The following BMP5 variants were observed in gnomAD, a reference collection of about 807,000 sequenced individuals.
The protein encoded by BMP5 is bone morphogenetic protein 5.
A neutral mutation model predicts 46.6 loss-of-function variants in BMP5; 23 were observed. The ratio of observed to expected loss-of-function variants is 0.49; its 90% CI spans 0.35 to 0.70. The LOEUF is 0.70. BMP5 is among the 30% of genes least tolerant of loss of function. The probability of loss-of-function intolerance (pLI) is 0.00; values close to 1 mark genes in which losing one functional copy is unlikely to be tolerated. For missense variants in BMP5, 545 were observed against 565.6 expected, an observed-to-expected ratio of 0.96 and a Z score of 0.37; for synonymous variants, 204 against 191.9, an observed-to-expected ratio of 1.06 and a Z score of -0.52.
At chr6:55,871,372 G>A (rs551735865) in intron 1 of BMP5, among the ~76,000 whole-genome samples, 12 of 151,848 alleles carry the variant, frequency 7.9e-5, no homozygotes, top group African/African-American at 2.6e-4. Context: ...GATAAAAGTG[G>A]CCTAAGAATA....
intron 2 of BMP5, among the ~76,000 whole-genome samples, chr6:55,805,623 A>G (rs910059810): frequency 7.2e-5 from 11 of 152,136 alleles, no homozygotes; most frequent in African/African-American, 2.7e-4. Context: ...CTGGTTCTAG[A>G]TCCTTGAGGA....
intron 2 of BMP5, among the ~76,000 whole-genome samples, chr6:55,815,133 C>CAAAAAAAAA (rs35015007): frequency 1.3e-5 from 1 of 77,964 alleles, no homozygotes; most frequent in Non-Finnish European, 2.5e-5. Flanking sequence ...AACTCCATCT[C>CAAAAAAAAA]AAAAAAAAAA....
intron 1 of BMP5, among the ~76,000 whole-genome samples, chr6:55,834,708 T>C (rs1265448104): frequency 6.6e-6 from 1 of 152,084 alleles, no homozygotes; most frequent in Admixed American, 6.6e-5. Context: ...GACTTAACTA[T>C]AAAAATAAAT....
At chr6:55,766,702 A>G (rs1774924303) in intron 4 of BMP5, among the ~76,000 whole-genome samples, 1 of 152,044 alleles carries the variant, frequency 6.6e-6, no homozygotes, top group African/African-American at 2.4e-5. Context: ...GGAAGACATC[A>G]CTGCTCCTTA....
chr6:55,814,048 C>T (rs1017715261), intron 2 of BMP5, among the ~76,000 whole-genome samples: 2 of 152,104 alleles, frequency 1.3e-5, no homozygotes, highest in Admixed American at 6.6e-5. Context: ...GACTATTTAT[C>T]TAAAACTTGT....
chr6:55,806,523 T>C (rs13437170), intron 2 of BMP5, among the ~76,000 whole-genome samples: 7,000 of 152,262 alleles, frequency 0.046, 537 homozygotes, highest in African/African-American at 0.16. Context: ...GCTTTGTTCT[T>C]TTTGCTTAGG....
At chr6:55,859,527 A>G (rs1777480994) in intron 1 of BMP5, among the ~76,000 whole-genome samples, 1 of 152,226 alleles carries the variant, frequency 6.6e-6, no homozygotes, top group African/African-American at 2.4e-5. Context: ...AAAACTCAAA[A>G]ACTTAAAAAT....
At chr6:55,792,482 C>A (rs1156388793) in intron 3 of BMP5, among the ~76,000 whole-genome samples, 1 of 147,216 alleles carries the variant, frequency 6.8e-6, no homozygotes, top group Admixed American at 7.0e-5. Context: ...TGCAGTGAGC[C>A]GAGATTGCGC....
In BMP5 at chr6:55,843,922, C is replaced by T. The variant is rs544187313; in HGVS notation, c.491-24075G>A. ...CTTGTTTTTTCAAAGAGAAATTGTC[C>T]TTAAATTTTACTAGGTATCAGTCAT... On this transcript the variant is annotated intron_variant, in intron 1 of 6. Coordinates refer to ENST00000370830, the MANE Select transcript of BMP5 (RefSeq NM_021073.4). Among the ~76,000 whole-genome samples the T allele has an allele frequency of 6.6e-5, 10 of 151,940 alleles. No homozygotes were observed. The South Asian group carries it at 2.1e-3, about 32-fold the overall frequency.
intron 4 of BMP5, among the ~76,000 whole-genome samples, chr6:55,765,690 T>C (rs1199912422): frequency 3.9e-5 from 6 of 152,194 alleles, no homozygotes; most frequent in Non-Finnish European, 7.3e-5. Context: ...CCCAGTGAAT[T>C]ATTCACTTGC....
At position 55,760,505 on chromosome 6, in the gene BMP5, G is replaced by A. The variant is rs760505221; in HGVS notation, c.1056C>T (p.Ala352=). ...GDYNTSEQKQ[A]CKKHELYVSF... Reference sequence around the variant, plus strand: ...TCACATAGAGTTCGTGCTTCTTACAGGCTTGTTTTTGCTCACTTGTGTTAT... The same window carrying A: ...TCACATAGAGTTCGTGCTTCTTACAAGCTTGTTTTTGCTCACTTGTGTTAT... The change falls in exon 5 of 7, where the codon GCC becomes GCT. Residue 352 remains alanine (A), a synonymous_variant. Transcript: ENST00000370830. 6.2e-6 allele frequency: 10 copies of A among 1,613,116 alleles called. No homozygotes were observed. The South Asian group carries it at 1.1e-4, about 18-fold the overall frequency.
intron 3 of BMP5, among the ~76,000 whole-genome samples, chr6:55,789,152 C>T (rs1775517162): frequency 2.0e-5 from 3 of 151,884 alleles, no homozygotes; most frequent in Non-Finnish European, 4.4e-5. Context: ...ATTTTGATGA[C>T]TTGAATACAA....
intron 1 of BMP5, among the ~76,000 whole-genome samples, chr6:55,826,562 T>A (rs1470713272): frequency 4.0e-5 from 6 of 151,570 alleles, no homozygotes; most frequent in African/African-American, 1.5e-4. Context: ...ATGAAGTTGG[T>A]CTCAAGGTGT....
intron 3 of BMP5, among the ~76,000 whole-genome samples, chr6:55,793,593 G>A (rs771853104): frequency 3.3e-5 from 5 of 152,128 alleles, no homozygotes; most frequent in Non-Finnish European, 4.4e-5. Flanking sequence ...GCATATAGTA[G>A]GTGCCCAGTA....
intron 1 of BMP5, among the ~76,000 whole-genome samples, chr6:55,852,924 G>A (rs1777280622): frequency 6.6e-6 from 1 of 151,988 alleles, no homozygotes; most frequent in Admixed American, 6.6e-5. Flanking sequence ...GAGGTCAGGA[G>A]ATCGAGACCA....
intron 4 of BMP5, among the ~76,000 whole-genome samples, chr6:55,763,778 A>G (rs1316984023): frequency 6.6e-6 from 1 of 152,172 alleles, no homozygotes; most frequent in Non-Finnish European, 1.5e-5. Flanking sequence ...TTTGTCTCTT[A>G]ATAGTAATAA....
rs1774545782 is a variant in BMP5 at position 55,754,987 on chromosome 6, C to T, written c.*546G>A. 1 of 152,306 alleles carries T rather than the reference C, an allele frequency of 6.6e-6. No individual in the cohort carries two copies. Among genetic ancestry groups the T allele is most frequent in the Non-Finnish European group, 1.5e-5 (1 of 68,242 alleles). 9.4% of individuals were successfully genotyped at this position (152,306 alleles called of 1,614,324 possible). A position where few individuals can be genotyped will look rare whatever the true frequency, so the allele number is the denominator to read the frequency against. On this transcript the variant is annotated 3_prime_UTR_variant, in exon 7 of 7. Transcript: ENST00000370830. ...CTTTCAGCTTCTATGTTCTGCCTAC[C>T]GTTTATTTATTCAAATCCAGTTCAA...
intron 1 of BMP5, among the ~76,000 whole-genome samples, chr6:55,873,020 T>C (rs1048002011): frequency 6.6e-6 from 1 of 151,812 alleles, no homozygotes; most frequent in Non-Finnish European, 1.5e-5. Flanking sequence ...GACACCTGAT[T>C]AGTGCAACAA....
intron 3 of BMP5, among the ~76,000 whole-genome samples, chr6:55,788,703 C>T (rs2127526828): frequency 6.6e-6 from 1 of 151,992 alleles, no homozygotes; most frequent in African/African-American, 2.4e-5. Context: ...TACTATCACA[C>T]TCATTTTATT....
Sources: allele counts gnomAD v4.1 joint callset (sites outside exome capture counted in the v4.1 genomes callset), GRCh38; gene constraint gnomAD v4.1.1; transcripts MANE v1.5; gene names NCBI Gene and HGNC (gene_info 2026-07-23, HGNC 2026-07-21).